NEK1: variants seen among roughly 807,000 people sequenced by gnomAD.
The protein encoded by NEK1 is serine/threonine-protein kinase Nek1.
A neutral mutation model predicts 182.1 loss-of-function variants in NEK1; 137 were observed. That is an observed-to-expected ratio of 0.75 (90% CI 0.65 to 0.87). The LOEUF (loss-of-function observed/expected upper bound fraction) is 0.87, where lower values mean the gene tolerates loss of function less well. Ranked by LOEUF, NEK1 falls within the 40% of genes least tolerant of loss-of-function variation. The probability of loss-of-function intolerance (pLI) is 0.00; values close to 1 mark genes in which losing one functional copy is unlikely to be tolerated. For synonymous variants in NEK1, 513 were observed against 492.2 expected (o/e 1.04, Z -0.56); for missense variants, 1,391 against 1,494.4 (o/e 0.93, Z 1.14).
intron 32 of NEK1, among the ~76,000 whole-genome samples, chr4:169,406,030 G>A (rs1472776957): frequency 3.9e-5 from 6 of 152,040 alleles, no homozygotes; most frequent in Non-Finnish European, 8.8e-5. Flanking sequence ...TTGGGAGGCA[G>A]AGGTCGCCGT....
At chr4:169,426,090 G>A in intron 30 of NEK1, 56 bp downstream of exon 30, 1 of 1,291,940 alleles carries the variant, frequency 7.7e-7, no homozygotes, top group East Asian at 2.3e-5. Flanking sequence ...ACAGGTTGAT[G>A]TTAATAATCA....
Position 169,555,771 on chromosome 4 carries a change from C to G in NEK1, c.1511G>C (p.Arg504Thr). Reference sequence around the variant, plus strand: ...CGCCTTCAATCTTTTCAAAGTTTTTCTAATATCATCAGCATCAGGAAAATG... The same window carrying G: ...CGCCTTCAATCTTTTCAAAGTTTTTGTAATATCATCAGCATCAGGAAAATG... ...HHHFPDADDI[R>T]KTLKRLKAVS... The change falls in exon 18 of 36, where the codon AGA becomes ACA. Residue 504 changes from arginine (R) to threonine (T), a missense_variant. Arg to Thr is a moderately conservative substitution (Grantham distance 71). Around this residue, in one of 5 missense-constraint regions of NEK1, gnomAD observed 1,216 missense variants for 1,277.6 expected, o/e 0.95. Coordinates refer to ENST00000507142, the MANE Select transcript of NEK1 (RefSeq NM_001199397.3). The G allele has an allele frequency of 6.2e-7, 1 of 1,613,868 alleles. No homozygotes were observed. Among genetic ancestry groups the G allele is most frequent in the Non-Finnish European group, 8.5e-7 (1 of 1,179,806 alleles).
chr4:169,590,827 A>T lies in NEK1; in HGVS notation c.313-18T>A. The stretch of plus-strand genomic sequence containing the variant: ...TCCAAAATCTAGGAAGAAAAATCAG[A>T]TCTGTCAAGCCTCTCTTTGACCATT... On this transcript the variant is annotated intron_variant, in intron 5 of 35. Coordinates refer to ENST00000507142, the MANE Select transcript of NEK1 (RefSeq NM_001199397.3). The T allele has an allele frequency of 6.6e-7, 1 of 1,516,392 alleles. No individual in the cohort carries two copies. Among genetic ancestry groups the T allele is most frequent in the Non-Finnish European group, 9.0e-7 (1 of 1,105,138 alleles). 93.9% of individuals were successfully genotyped at this position (1,516,392 alleles called of 1,614,324 possible).
intron 19 of NEK1, among the ~76,000 whole-genome samples, chr4:169,526,384 G>A (rs1756904465): frequency 1.3e-5 from 2 of 152,190 alleles, no homozygotes; most frequent in Admixed American, 1.3e-4. Flanking sequence ...AGCTACTCAG[G>A]AGGCTGAGGT....
At chr4:169,541,438 G>A (rs1759394576) in intron 18 of NEK1, among the ~76,000 whole-genome samples, 1 of 152,074 alleles carries the variant, frequency 6.6e-6, no homozygotes, top group African/African-American at 2.4e-5. Flanking sequence ...TTGCATATAA[G>A]CAAAGGTAGA....
Position 169,495,282 on chromosome 4 carries a change from C to T in NEK1, c.2007+11755G>A, listed in dbSNP as rs1403008268. On this transcript the variant is annotated intron_variant, in intron 23 of 35. Coordinates refer to ENST00000507142, the MANE Select transcript of NEK1 (RefSeq NM_001199397.3). The stretch of plus-strand genomic sequence containing the variant: ...TTTTTGAGACGGAGTTTCGCTCTGT[C>T]GCCCAGGCTGGAGTGCAGTGGCGCG... Among the ~76,000 whole-genome samples, 42 of 129,144 alleles carry T rather than the reference C, an allele frequency of 3.3e-4. No individual in the cohort carries two copies. In the East Asian group the frequency reaches 6.3e-3, roughly 19 times the overall value. 84.7% of individuals were successfully genotyped at this position (129,144 alleles called of 152,430 possible).
At position 169,582,514 on chromosome 4, in the gene NEK1, T is replaced by A. The variant is rs996894905; in HGVS notation, c.808-1612A>T. Among the ~76,000 whole-genome samples the A allele has an allele frequency of 7.2e-5, 11 of 152,356 alleles. No individual in the cohort carries two copies. In the East Asian group the frequency reaches 1.7e-3, roughly 24 times the overall value. On this transcript the variant is annotated intron_variant, in intron 10 of 35. Transcript: ENST00000507142. ...GCTCACAGGCAATTTAGAGCAACCA[T>A]GTGAACGTGTGTTCTCTTCTCAACA...
intron 18 of NEK1, among the ~76,000 whole-genome samples, chr4:169,543,652 C>G (rs925898270): frequency 2.0e-5 from 3 of 152,064 alleles, no homozygotes; most frequent in Non-Finnish European, 4.4e-5. Context: ...TCTGTCCTCT[C>G]TTATTTCCTT....
intron 31 of NEK1, among the ~76,000 whole-genome samples, chr4:169,424,232 G>T (rs569228490): frequency 8.5e-5 from 13 of 152,204 alleles, no homozygotes; most frequent in Non-Finnish European, 1.6e-4. Flanking sequence ...AAGATATATT[G>T]CTTAAACTTA....
At position 169,507,071 on chromosome 4, in the gene NEK1, GCCT is replaced by G. The variant is rs1753398987; in HGVS notation, c.1970_1972del (p.Glu657del). 1.2e-6 allele frequency: 2 copies of G among 1,608,750 alleles called. No individual in the cohort carries two copies. The highest frequency in any genetic ancestry group is 1.7e-6 in the Non-Finnish European group (2 of 1,177,552). ...CCACACTTTTTTTTCTCTCTCATAA[GCCT>G]CCTTTCTCTTTCGTTCTAGTTGTTC... On this transcript the variant is annotated inframe_deletion, in exon 23 of 36. Transcript: ENST00000507142.
chr4:169,591,547 CT>C (rs923099225), intron 5 of NEK1, among the ~76,000 whole-genome samples: 17 of 152,044 alleles, frequency 1.1e-4, no homozygotes, highest in African/African-American at 3.6e-4. Flanking sequence ...ACATCTCTGA[CT>C]TTTTTTCTCT....
chr4:169,477,064 G>A, intron 26 of NEK1, 60 bp downstream of exon 26: 1 of 1,136,480 alleles, frequency 8.8e-7, no homozygotes, highest in Non-Finnish European at 1.2e-6. Flanking sequence ...AGAGTGGTTA[G>A]TCTATAAGTT....
In NEK1 at chr4:169,468,263, G is replaced by A. The variant is rs145356123; in HGVS notation, c.2435-4868C>T. On this transcript the variant is annotated intron_variant, in intron 26 of 35. Coordinates refer to ENST00000507142, the MANE Select transcript of NEK1 (RefSeq NM_001199397.3). Reference sequence around the variant, plus strand: ...TAGAGTCTGTTTATATGATATTCTAGAACAGGAACATTTAATCTAAGGTAG... The same window carrying A: ...TAGAGTCTGTTTATATGATATTCTAAAACAGGAACATTTAATCTAAGGTAG... Among the ~76,000 whole-genome samples, 10 of 151,946 alleles carry A rather than the reference G, an allele frequency of 6.6e-5. No homozygotes were observed. In the East Asian group the frequency reaches 1.9e-3, roughly 29 times the overall value.
At position 169,544,786 on chromosome 4, in the gene NEK1, T is replaced by C. The variant is rs536696872; in HGVS notation, c.1563-6875A>G. 1.2e-4 allele frequency among the ~76,000 whole-genome samples: 18 copies of C among 152,088 alleles called. 1 individual carries two copies. In the South Asian group the frequency reaches 3.7e-3, roughly 32 times the overall value. On this transcript the variant is annotated intron_variant, in intron 18 of 35. Transcript: ENST00000507142. The stretch of plus-strand genomic sequence containing the variant: ...TATTTGTGTAGAGGTATTTATAGTA[T>C]TCTCTGATGGTAGTTTGTATTTCTG...
chr4:169,407,597 A>C (rs1732873004), intron 31 of NEK1, among the ~76,000 whole-genome samples: 1 of 152,264 alleles, frequency 6.6e-6, no homozygotes, highest in South Asian at 2.1e-4. Flanking sequence ...ATAAGGGATA[A>C]TAGAAATAGC....
intron 23 of NEK1, among the ~76,000 whole-genome samples, chr4:169,483,805 G>T (rs1190220249): frequency 1.4e-5 from 2 of 147,278 alleles, no homozygotes; most frequent in Non-Finnish European, 3.0e-5. Flanking sequence ...GGCAGAGGTT[G>T]CAGTGAGCCG....
At chr4:169,521,991 C>T (rs1222783803) in intron 19 of NEK1, among the ~76,000 whole-genome samples, 1 of 152,150 alleles carries the variant, frequency 6.6e-6, no homozygotes, top group Non-Finnish European at 1.5e-5. Flanking sequence ...TTTCTCCTGT[C>T]CTTTAAGCTT....
chr4:169,427,069 G>C (rs1400439945), intron 29 of NEK1, among the ~76,000 whole-genome samples: 1 of 151,920 alleles, frequency 6.6e-6, no homozygotes, highest in Non-Finnish European at 1.5e-5. Flanking sequence ...TAGCTTATAG[G>C]TAAGTTTTTA....
At chr4:169,554,415 C>T (rs1201327982) in intron 18 of NEK1, 2 of 113,722 alleles carry the variant, frequency 1.8e-5, no homozygotes, top group African/African-American at 8.1e-5. Flanking sequence ...AAGAACCTGT[C>T]TCAAAAAAAA....
Sources: allele counts gnomAD v4.1 joint callset (sites outside exome capture counted in the v4.1 genomes callset), GRCh38; gene constraint gnomAD v4.1.1; regional missense constraint gnomAD v4.1.1; transcripts MANE v1.5; gene names NCBI Gene and HGNC (gene_info 2026-07-23, HGNC 2026-07-21).